The following PRMT8 variants were observed in gnomAD, a reference collection of about 807,000 sequenced individuals.
The protein encoded by PRMT8 is protein arginine methyltransferase 8, also known as protein arginine N-methyltransferase 8.
A neutral mutation model predicts 47.1 loss-of-function variants in PRMT8; 7 were observed. That is an observed-to-expected ratio of 0.15 (90% CI 0.08 to 0.28). The LOEUF is 0.28. Among genes scored for constraint, PRMT8 ranks in the 10% least tolerant of loss-of-function variants. PRMT8 has a pLI of 1.00. For missense variants in PRMT8, 237 were observed against 505.4 expected, an observed-to-expected ratio of 0.47 and a Z score of 5.09; for synonymous variants, 188 against 186.5, an observed-to-expected ratio of 1.01 and a Z score of -0.07.
intron 1 of PRMT8, among the ~76,000 whole-genome samples, chr12:3,452,379 T>G (rs1216745596): frequency 1.3e-5 from 2 of 152,008 alleles, no homozygotes; most frequent in African/African-American, 4.8e-5. Context: ...ACTGGCAACA[T>G]GCAAGAGCAC....
At chr12:3,490,712 A>T (rs1163190408), upstream of PRMT8, among the ~76,000 whole-genome samples, 4 of 140,648 alleles carry the variant, frequency 2.8e-5, no homozygotes, top group African/African-American at 1.0e-4. Context: ...AGAGAGAGAG[A>T]GAGAGAGAAA....
At chr12:3,437,547 G>A (rs1017019927) in intron 1 of PRMT8, among the ~76,000 whole-genome samples, 1 of 151,348 alleles carries the variant, frequency 6.6e-6, no homozygotes, top group Non-Finnish European at 1.5e-5. Flanking sequence ...AGGCCTCAGT[G>A]TCTGTTCCCT....
chr12:3,415,483 A>G (rs924577231), intron 1 of PRMT8, among the ~76,000 whole-genome samples: 15 of 152,166 alleles, frequency 9.9e-5, no homozygotes, highest in African/African-American at 3.6e-4. Flanking sequence ...GACCAGCCCC[A>G]TCCTGAAGCT....
At chr12:3,441,019 C>T (rs965879508) in intron 1 of PRMT8, among the ~76,000 whole-genome samples, 1 of 152,120 alleles carries the variant, frequency 6.6e-6, no homozygotes, top group Non-Finnish European at 1.5e-5. Context: ...CTCTGACAAT[C>T]ATTATTAGCA....
chr12:3,399,568 AAACCATATCAGGAATATAACT>A (rs1332986959), intron 1 of PRMT8, among the ~76,000 whole-genome samples: 1 of 152,176 alleles, frequency 6.6e-6, no homozygotes, highest in African/African-American at 2.4e-5. Context: ...TGTGTACAGA[AAACCATATCAGGAATATAACT>A]GTACCTGAAA....
At chr12:3,480,349 C>T (rs980947976) in intron 1 of PRMT8, among the ~76,000 whole-genome samples, 7 of 152,230 alleles carry the variant, frequency 4.6e-5, no homozygotes, top group African/African-American at 1.7e-4. Flanking sequence ...CTTCTTCCCC[C>T]TTGCTTGTTC....
intron 1 of PRMT8, among the ~76,000 whole-genome samples, chr12:3,458,670 C>T (rs1412596956): frequency 2.6e-5 from 4 of 152,242 alleles, no homozygotes; most frequent in African/African-American, 4.8e-5. Flanking sequence ...GCTGCCCTGA[C>T]CTTTCTTAAT....
chr12:3,476,602 C>T (rs1272021498), intron 1 of PRMT8, among the ~76,000 whole-genome samples: 11 of 152,104 alleles, frequency 7.2e-5, no homozygotes, highest in Admixed American at 7.2e-4. Context: ...TTTTGCTCGT[C>T]GCTCTGCAGA....
At position 3,491,831 on chromosome 12, in the gene PRMT8, CCTGTGTGT is replaced by C. The variant is rs1865408892; in HGVS notation, c.75+132_75+139del. 6.9e-5 allele frequency: 51 copies of C among 738,932 alleles called. 3 individuals carry two copies. In the East Asian group the frequency reaches 1.8e-3, roughly 27 times the overall value. 45.8% of individuals were successfully genotyped at this position (738,932 alleles called of 1,614,324 possible). A position where few individuals can be genotyped will look rare whatever the true frequency, so the allele number is the denominator to read the frequency against. ...TCCCGCTCGCTTCTGCCGGCCTCCT[CCTGTGTGT>C]GTGTGTGTGTGTGTGTGTGTGTGTG... On this transcript the variant is annotated intron_variant, in intron 1 of 9. Coordinates refer to ENST00000382622, the MANE Select transcript of PRMT8 (RefSeq NM_019854.5).
At position 3,572,041 on chromosome 12, in the gene PRMT8, CCTTTT is replaced by C. The variant is rs1241261606; in HGVS notation, c.712+2483_712+2487del. ...AGCTTTCTTTCCTTTCCTCTCCTTTCCTTTTCTTTTATTTCCTTCCCTCTCCTTCC... is the reference window on the plus strand; with the variant it reads ...AGCTTTCTTTCCTTTCCTCTCCTTTCCTTTTATTTCCTTCCCTCTCCTTCC... On this transcript the variant is annotated intron_variant, in intron 6 of 9. Coordinates refer to ENST00000382622, the MANE Select transcript of PRMT8 (RefSeq NM_019854.5). This position sits in a 1 kb window ranked among gnomAD's most constrained non-coding sequence, Gnocchi z 5.9. 6.6e-6 allele frequency among the ~76,000 whole-genome samples: 1 copy of C among 152,164 alleles called. No individual in the cohort carries two copies. Among genetic ancestry groups the C allele is most frequent in the Non-Finnish European group, 1.5e-5 (1 of 68,028 alleles).
At chr12:3,455,899 G>A (rs1477592023) in intron 1 of PRMT8, among the ~76,000 whole-genome samples, 1 of 152,140 alleles carries the variant, frequency 6.6e-6, no homozygotes, top group Non-Finnish European at 1.5e-5. Context: ...GGTGGGACAG[G>A]GCCGCGTGAT....
At chr12:3,554,205 C>G (rs1023360088) in intron 4 of PRMT8, among the ~76,000 whole-genome samples, 5 of 152,220 alleles carry the variant, frequency 3.3e-5, no homozygotes, top group Non-Finnish European at 5.9e-5. Context: ...GTGGGCCCTT[C>G]TTCAGCTGGA....
At chr12:3,489,218 G>A (rs1441259363), upstream of PRMT8, among the ~76,000 whole-genome samples, 4 of 152,058 alleles carry the variant, frequency 2.6e-5, no homozygotes, top group Admixed American at 6.6e-5. Flanking sequence ...TTTCAACAGC[G>A]AAAGGAGGAA....
intron 1 of PRMT8, among the ~76,000 whole-genome samples, chr12:3,530,280 A>G (rs1866009181): frequency 6.6e-6 from 1 of 152,208 alleles, no homozygotes; most frequent in African/African-American, 2.4e-5. Flanking sequence ...ATGAAGGGCA[A>G]CATTCACCCA....
rs1047984300 is a variant in PRMT8 at position 3,583,864 on chromosome 12, G to A, written c.979+656G>A. Among the ~76,000 whole-genome samples, 8 of 152,248 alleles carry A rather than the reference G, an allele frequency of 5.3e-5. No individual in the cohort carries two copies. Among genetic ancestry groups the A allele is most frequent in the South Asian group, 2.1e-4 (1 of 4,812 alleles). ...CCTCTTGGCCGAGCCCTGTCCCGTC[G>A]CTGCTACCCCACAGGTGGCCCAGCT... On this transcript the variant is annotated intron_variant, in intron 8 of 9. Coordinates refer to ENST00000382622, the MANE Select transcript of PRMT8 (RefSeq NM_019854.5). This position sits in a 1 kb window ranked among gnomAD's most constrained non-coding sequence, Gnocchi z 4.7.
In PRMT8 at chr12:3,491,832, CTGTGTGTGTGTGTGTGTGTGTGTG is replaced by C. The variant is rs531683101; in HGVS notation, c.75+166_75+189del. On this transcript the variant is annotated intron_variant, in intron 1 of 9. Coordinates refer to ENST00000382622, the MANE Select transcript of PRMT8 (RefSeq NM_019854.5). ...CCCGCTCGCTTCTGCCGGCCTCCTCCTGTGTGTGTGTGTGTGTGTGTGTGTGTGTGTGTGTGTGTGTGTGTGTGT... is the reference window on the plus strand; with the variant it reads ...CCCGCTCGCTTCTGCCGGCCTCCTCCTGTGTGTGTGTGTGTGTGTGTGTGT... 1.1e-4 allele frequency: 58 copies of C among 536,354 alleles called. 4 individuals carry two copies. Among genetic ancestry groups the C allele is most frequent in the East Asian group, 1.6e-4 (2 of 12,488 alleles). 33.2% of individuals were successfully genotyped at this position (536,354 alleles called of 1,614,324 possible).
chr12:3,506,767 C>T (rs1565425382), intron 1 of PRMT8, among the ~76,000 whole-genome samples: 1 of 152,148 alleles, frequency 6.6e-6, no homozygotes, highest in Admixed American at 6.5e-5. Flanking sequence ...TTCTCTCAGG[C>T]TTGACACACC....
At chr12:3,487,850 T>A (rs1487550166), upstream of PRMT8, among the ~76,000 whole-genome samples, 2 of 152,226 alleles carry the variant, frequency 1.3e-5, no homozygotes, top group African/African-American at 4.8e-5. Context: ...GATATTCTTG[T>A]CCAGTTGTCC....
rs113320182 is a variant in PRMT8 at position 3,456,636 on chromosome 12, G to T, written c.48+75194G>T. ...GGGTGAGGATGAAAGGCGAGGGAAT[G>T]AGTGGACAGTGGGGAAGCTGACCTT... On this transcript the variant is annotated intron_variant, in intron 1 of 9. Coordinates refer to the PRMT8 transcript ENST00000452611. The surrounding 1 kb of genome is among the most constrained non-coding windows in gnomAD (Gnocchi z 4.2). Among the ~76,000 whole-genome samples, 907 of 152,330 alleles carry T rather than the reference G, an allele frequency of 6.0e-3. 12 individuals are homozygous for T. Among genetic ancestry groups the T allele is most frequent in the African/African-American group, 0.021 (865 of 41,562 alleles).
Sources: allele counts gnomAD v4.1 joint callset (sites outside exome capture counted in the v4.1 genomes callset), GRCh38; gene constraint gnomAD v4.1.1; non-coding constraint Gnocchi (gnomAD v3.1); transcripts MANE v1.5; gene names NCBI Gene and HGNC (gene_info 2026-07-23, HGNC 2026-07-21).